The following RARB variants were observed in gnomAD, a reference collection of about 807,000 sequenced individuals.
RARB encodes retinoic acid receptor beta.
In RARB, 17 loss-of-function variants were observed where a neutral mutation model predicts 51.9. The ratio of observed to expected loss-of-function variants is 0.33; its 90% CI spans 0.22 to 0.49. The LOEUF (loss-of-function observed/expected upper bound fraction) is 0.49. Among genes scored for constraint, RARB ranks in the 20% least tolerant of loss-of-function variants. The pLI is 0.99. For missense variants in RARB, 369 were observed against 550.8 expected, an observed-to-expected ratio of 0.67 and a Z score of 3.30; for synonymous variants, 215 against 195.4, an observed-to-expected ratio of 1.10 and a Z score of -0.84.
At chr3:25,231,602 T>C (rs1367032026) in intron 5 of RARB, among the ~76,000 whole-genome samples, 3 of 152,182 alleles carry the variant, frequency 2.0e-5, no homozygotes, top group African/African-American at 7.2e-5. Context: ...TGGTAATGAC[T>C]TTTATTTTTT....
At chr3:25,556,986 C>A (rs780166245) in intron 3 of RARB, among the ~76,000 whole-genome samples, 3 of 152,216 alleles carry the variant, frequency 2.0e-5, no homozygotes, top group Non-Finnish European at 2.9e-5. Flanking sequence ...TTCTTGTAAA[C>A]AATTCCTGAT....
At chr3:25,367,173 A>G (rs1165072217) in intron 5 of RARB, among the ~76,000 whole-genome samples, 2 of 152,208 alleles carry the variant, frequency 1.3e-5, no homozygotes, top group African/African-American at 4.8e-5. Context: ...AAAGACAGAC[A>G]TGCTTATCAA....
At chr3:25,299,698 C>G (rs1242678091) in intron 5 of RARB, among the ~76,000 whole-genome samples, 2 of 152,012 alleles carry the variant, frequency 1.3e-5, no homozygotes, top group African/African-American at 4.8e-5. Context: ...ATTTTAGGAA[C>G]ATTATTCTGA....
At chr3:25,337,219 C>G (rs983408383) in intron 5 of RARB, among the ~76,000 whole-genome samples, 2 of 152,048 alleles carry the variant, frequency 1.3e-5, no homozygotes, top group African/African-American at 4.8e-5. Context: ...AACCCCCACC[C>G]CCACAAAAAA....
chr3:25,582,002 G>C (rs1352277663), intron 5 of RARB, among the ~76,000 whole-genome samples: 1 of 152,010 alleles, frequency 6.6e-6, no homozygotes, highest in African/African-American at 2.4e-5. Flanking sequence ...CAAGATCGGG[G>C]TGGAGTGGGG....
rs35576762 is a variant in RARB, at chr3:25,083,441, A to AT, written c.-328+23276dup. Among the ~76,000 whole-genome samples the AT allele has an allele frequency of 5.3e-5, 8 of 151,502 alleles. No homozygotes were observed. The South Asian group carries it at 6.3e-4, about 12-fold the overall frequency. The stretch of plus-strand genomic sequence containing the variant: ...GAAGTCTGCTAATGTTCATCCAGTG[A>AT]TTTTTTTTTTTCCAGACAGTATTTT... On this transcript the variant is annotated intron_variant, in intron 3 of 11. Transcript: ENST00000383772.
chr3:25,526,600 G>C (rs1246988899), intron 3 of RARB, among the ~76,000 whole-genome samples: 1 of 152,140 alleles, frequency 6.6e-6, no homozygotes, highest in African/African-American at 2.4e-5. Flanking sequence ...AAATAAATTA[G>C]AGATAGAACC....
At chr3:25,106,926 A>C (rs1699517422) in intron 3 of RARB, among the ~76,000 whole-genome samples, 1 of 150,912 alleles carries the variant, frequency 6.6e-6, no homozygotes, top group African/African-American at 2.4e-5. Context: ...GTTGAGATGG[A>C]GTCTCGCTGT....
chr3:25,594,776 T>C, intron 7 of RARB, 98 bp downstream of exon 7: 1 of 1,159,024 alleles, frequency 8.6e-7, no homozygotes, highest in Non-Finnish European at 1.1e-6. Context: ...TAATGGCTGC[T>C]TTTAAAGTCT....
intron 5 of RARB, among the ~76,000 whole-genome samples, chr3:25,245,328 G>A (rs965442978): frequency 8.5e-5 from 13 of 152,156 alleles, no homozygotes; most frequent in Non-Finnish European, 1.5e-4. Flanking sequence ...TGTTTTGTGT[G>A]AGACTGATCC....
At chr3:25,271,860 T>C (rs1200883507) in intron 5 of RARB, among the ~76,000 whole-genome samples, 1 of 152,238 alleles carries the variant, frequency 6.6e-6, no homozygotes, top group Non-Finnish European at 1.5e-5. Flanking sequence ...AAGGCATGTA[T>C]AGAGTAAGTA....
At chr3:25,396,470 G>A (rs578055888) in intron 5 of RARB, among the ~76,000 whole-genome samples, 3 of 152,326 alleles carry the variant, frequency 2.0e-5, no homozygotes, top group East Asian at 1.9e-4. Context: ...GCTTGAGTAG[G>A]TTGGCCTCCA....
chr3:25,345,983 C>A, intron 5 of RARB: 1 of 653,074 alleles, frequency 1.5e-6, no homozygotes, highest in Non-Finnish European at 1.9e-6. Context: ...TTGGGGCTGG[C>A]TCCGATGAGT....
At chr3:24,889,938 A>C (rs1328614571) in intron 2 of RARB, among the ~76,000 whole-genome samples, 1 of 152,006 alleles carries the variant, frequency 6.6e-6, no homozygotes, top group African/African-American at 2.4e-5. Context: ...AAGACTCAAA[A>C]GTTTCTTGGA....
intron 3 of RARB, among the ~76,000 whole-genome samples, chr3:25,559,557 C>G (rs111986655): frequency 6.6e-6 from 1 of 152,174 alleles, no homozygotes; most frequent in Non-Finnish European, 1.5e-5. Flanking sequence ...GAAATGATAC[C>G]TTCTTACTCT....
At chr3:25,524,087 T>A (rs1262208047) in intron 3 of RARB, among the ~76,000 whole-genome samples, 1 of 152,158 alleles carries the variant, frequency 6.6e-6, no homozygotes, top group African/African-American at 2.4e-5. Context: ...TAGGAAGGAA[T>A]TTGTTTAAAA....
chr3:25,370,885 C>A (rs1462679881), intron 5 of RARB, among the ~76,000 whole-genome samples: 1 of 152,142 alleles, frequency 6.6e-6, no homozygotes, highest in Non-Finnish European at 1.5e-5. Context: ...AGGAGAGAAA[C>A]TTTCCTTTCC....
intron 2 of RARB, among the ~76,000 whole-genome samples, chr3:25,494,038 T>A (rs1156241525): frequency 6.6e-6 from 1 of 152,152 alleles, no homozygotes; most frequent in Non-Finnish European, 1.5e-5. Context: ...GGGGATTAGG[T>A]ATTTGTATTG....
chr3:25,010,474 T>C (rs543307359), intron 2 of RARB, among the ~76,000 whole-genome samples: 1 of 152,280 alleles, frequency 6.6e-6, no homozygotes, highest in Admixed American at 6.5e-5. Flanking sequence ...ACTTTAGTTA[T>C]ATAACATAAT....
Sources: gnomAD v4.1 joint callset for allele counts (sites outside exome capture counted in the v4.1 genomes callset) on GRCh38, gnomAD v4.1.1 for gene constraint, MANE v1.5 for transcripts, NCBI Gene and HGNC (gene_info 2026-07-23, HGNC 2026-07-21) for gene names.